Variants in RBIS observed in about 807,000 individuals in gnomAD.
RBIS encodes the protein ribosome biogenesis factor identified in screen.
In RBIS, 9 loss-of-function variants were observed where a neutral mutation model predicts 9.8. That is an observed-to-expected ratio of 0.92 (90% CI 0.56 to 1.61). The LOEUF (loss-of-function observed/expected upper bound fraction) is 1.61, where lower values mean the gene tolerates loss of function less well. Ranked by LOEUF, RBIS falls within the 40% of genes most tolerant of loss-of-function variation. The pLI, the probability that RBIS is intolerant of heterozygous loss-of-function variation, is 0.00. For missense variants in RBIS, 103 were observed against 116.0 expected (o/e 0.89, Z 0.51); for synonymous variants, 35 against 37.9 (o/e 0.92, Z 0.28).
At position 85,217,385 on chromosome 8, in the gene RBIS, C is replaced by A. The variant is rs985956958; in HGVS notation, c.114+1G>T. The A allele has an allele frequency of 1.9e-6, 3 of 1,557,232 alleles. No individual in the cohort carries two copies. In the African/African-American group the frequency reaches 4.1e-5, roughly 21 times the overall value. On this transcript the variant is annotated splice_donor_variant, in intron 2 of 3. Coordinates refer to ENST00000619594, the MANE Select transcript of RBIS (RefSeq NM_001099673.3). LOFTEE classifies it high-confidence loss of function. ...AGTCAGAGTGCTTAACTAATACTCA[C>A]CTTCTTAAGATTAGTGGTAACTGGT...
chr8:85,215,513 G>A (rs1267822263), intron 2 of RBIS: 1 of 152,206 alleles, frequency 6.6e-6, no homozygotes, highest in Non-Finnish European at 1.5e-5. Flanking sequence ...TAAAGGTTAA[G>A]CCCATCACTA....
In RBIS at chr8:85,219,916, T is replaced by C. The variant is rs528769590; in HGVS notation, c.-4+390A>G. On this transcript the variant is annotated intron_variant, in intron 1 of 3. Transcript: ENST00000619594. Reference sequence around the variant, plus strand: ...ATATACGGAACATACACAGACATGATAGGTATATTGTACATGACACTACCT... The same window carrying C: ...ATATACGGAACATACACAGACATGACAGGTATATTGTACATGACACTACCT... Among the ~76,000 whole-genome samples the C allele has an allele frequency of 1.7e-3, 265 of 152,134 alleles. 1 individual carries two copies. Among genetic ancestry groups the C allele is most frequent in the African/African-American group, 6.2e-3 (256 of 41,492 alleles).
chr8:85,216,978 G>C, intron 2 of RBIS: 1 of 257,166 alleles, frequency 3.9e-6, no homozygotes, highest in Non-Finnish European at 7.2e-6. Context: ...TTGAATTGCA[G>C]ATGTCTTCAA....
In RBIS at chr8:85,217,516, T is replaced by C; in HGVS notation, c.-3-14A>G. The C allele has an allele frequency of 1.4e-6, 2 of 1,436,136 alleles. No individual in the cohort carries two copies. The highest frequency in any genetic ancestry group is 2.0e-6 in the Non-Finnish European group (2 of 1,022,682). The allele number at this position is 1,436,136 out of a possible 1,614,324, so 89.0% of individuals were successfully genotyped here. A position where few individuals can be genotyped will look rare whatever the true frequency, so the allele number is the denominator to read the frequency against. ...CTTGGCCATTGTCTAGAAAAGAAAA[T>C]AAATTCAATTAAATTGCCCACATTT... On this transcript the variant is annotated splice_polypyrimidine_tract_variant and intron_variant, in intron 1 of 3. Transcript: ENST00000619594.
In RBIS at chr8:85,214,507, T is replaced by C; in HGVS notation, c.*53A>G. 8.3e-7 allele frequency: 1 copy of C among 1,208,928 alleles called. No homozygotes were observed. Among genetic ancestry groups the C allele is most frequent in the Non-Finnish European group, 1.2e-6 (1 of 824,490 alleles). 74.9% of individuals were successfully genotyped at this position (1,208,928 alleles called of 1,614,324 possible). A position where few individuals can be genotyped will look rare whatever the true frequency, so the allele number is the denominator to read the frequency against. On this transcript the variant is annotated 3_prime_UTR_variant, in exon 4 of 4. Coordinates refer to ENST00000619594, the MANE Select transcript of RBIS (RefSeq NM_001099673.3). Reference sequence around the variant, plus strand: ...CAAGATTTTTAAAAATAAAATTGTATAAAACATTCAATTTATTGGTCTTTG... The same window carrying C: ...CAAGATTTTTAAAAATAAAATTGTACAAAACATTCAATTTATTGGTCTTTG...
At chr8:85,217,705 C>T in intron 1 of RBIS, 1 of 567,236 alleles carries the variant, frequency 1.8e-6, no homozygotes, top group Non-Finnish European at 3.1e-6. Context: ...CTAATTCTTC[C>T]CTGTATCCCC....
In RBIS at chr8:85,214,558, T is replaced by C. The variant is rs1268805523; in HGVS notation, c.*2A>G. On this transcript the variant is annotated 3_prime_UTR_variant, in exon 4 of 4. Coordinates refer to ENST00000619594, the MANE Select transcript of RBIS (RefSeq NM_001099673.3). ...TGGAGAATTAGATGCATCACCAGTA[T>C]ATTACAACAGAGCCATTAATCTTGT... 1 of 1,533,800 alleles carries C rather than the reference T, an allele frequency of 6.5e-7. No individual in the cohort carries two copies.
In RBIS at chr8:85,214,211, T is replaced by C. The variant is rs755600082; in HGVS notation, c.*349A>G. On this transcript the variant is annotated 3_prime_UTR_variant, in exon 4 of 4. Transcript: ENST00000619594. ...CATCAAAAACAAGTTGGCCAAGGACTCATTACTTGTCTTATATTTTTACTG... is the reference window on the plus strand; with the variant it reads ...CATCAAAAACAAGTTGGCCAAGGACCCATTACTTGTCTTATATTTTTACTG... 1.9e-5 allele frequency: 10 copies of C among 538,166 alleles called. 1 individual carries two copies. The Middle Eastern group carries it at 8.6e-4, about 46-fold the overall frequency. 33.3% of individuals were successfully genotyped at this position (538,166 alleles called of 1,614,324 possible). A position where few individuals can be genotyped will look rare whatever the true frequency, so the allele number is the denominator to read the frequency against.
At position 85,217,494 on chromosome 8, in the gene RBIS, G is replaced by A; in HGVS notation, c.6C>T (p.Ala2=). 1 of 1,599,358 alleles carries A rather than the reference G, an allele frequency of 6.3e-7. No individual in the cohort carries two copies. Among genetic ancestry groups the A allele is most frequent in the Non-Finnish European group, 8.6e-7 (1 of 1,168,710 alleles). The change falls in exon 2 of 4, where the codon GCC becomes GCT. Residue 2 remains alanine (A), a synonymous_variant. Transcript: ENST00000619594. M[A]KNKLRGPKSR... The stretch of plus-strand genomic sequence containing the variant: ...ACTTCGGCCCTCTTAATTTGTTCTT[G>A]GCCATTGTCTAGAAAAGAAAATAAA...
chr8:85,214,469 G>C lies in RBIS; in HGVS notation c.*91C>G. The C allele has an allele frequency of 1.1e-6, 1 of 870,598 alleles. No homozygotes were observed. The highest frequency in any genetic ancestry group is 2.5e-5 in the East Asian group (1 of 40,602). The allele number at this position is 870,598 out of a possible 1,614,324, so 53.9% of individuals were successfully genotyped here. Reference sequence around the variant, plus strand: ...TAGTTTGTTTTTAAAATGTGCCAATGCCTGTACATTAACAAGATTTTTAAA... The same window carrying C: ...TAGTTTGTTTTTAAAATGTGCCAATCCCTGTACATTAACAAGATTTTTAAA... On this transcript the variant is annotated 3_prime_UTR_variant, in exon 4 of 4. Transcript: ENST00000619594.
chr8:85,219,827 G>C (rs543202390), intron 1 of RBIS, among the ~76,000 whole-genome samples: 3 of 152,166 alleles, frequency 2.0e-5, no homozygotes, highest in Admixed American at 2.0e-4. Flanking sequence ...TATATGCCAC[G>C]TGTGGTAGAG....
At chr8:85,219,034 G>A (rs911756694) in intron 1 of RBIS, 1 of 152,140 alleles carries the variant, frequency 6.6e-6, no homozygotes, top group African/African-American at 2.4e-5. Context: ...CTATGCGATC[G>A]ACCTTCCCAA....
At chr8:85,217,639 T>C (rs1813205171) in intron 1 of RBIS, 137 bp from the exon 2 acceptor site, 1 of 622,754 alleles carries the variant, frequency 1.6e-6, no homozygotes, top group African/African-American at 1.8e-5. Context: ...GCATATATTA[T>C]TTCCAAGTCT....
At chr8:85,217,684 A>G in intron 1 of RBIS, 182 bp from the exon 2 acceptor site, 1 of 593,884 alleles carries the variant, frequency 1.7e-6, no homozygotes. Flanking sequence ...CTTTGAGTAC[A>G]GAGTATGTAT....
chr8:85,214,984 A>G lies in RBIS; in HGVS notation c.168T>C (p.Asn56=), dbSNP rs1587508291. The G allele has an allele frequency of 1.3e-6, 2 of 1,588,308 alleles. No individual in the cohort carries two copies. The highest frequency in any genetic ancestry group is 1.7e-4 in the Middle Eastern group (1 of 5,992). ...CGAAATGTGCAAGTTCCTTTTGTAC[A>G]TTTACAAAAGCTTTATTTACTCTGT... ...KVNRVNKAFV[N]VQKELAHFAK... is the part of the protein sequence containing the mutation. The change falls in exon 3 of 4, where the codon AAT becomes AAC. Residue 56 remains asparagine, a synonymous_variant. Coordinates refer to ENST00000619594, the MANE Select transcript of RBIS (RefSeq NM_001099673.3).
intron 2 of RBIS, chr8:85,215,857 G>C (rs1029323086): frequency 2.0e-5 from 3 of 152,272 alleles, no homozygotes; most frequent in Non-Finnish European, 4.4e-5. Context: ...GAGAAGCACA[G>C]GTAAAACATC....
Position 85,220,347 on chromosome 8 carries a change from A to C in RBIS, c.-45T>G, listed in dbSNP as rs1208566802. The C allele has an allele frequency of 6.6e-6, 1 of 152,244 alleles. No individual in the cohort carries two copies. The highest frequency in any genetic ancestry group is 1.9e-4 in the East Asian group (1 of 5,204). 9.4% of individuals were successfully genotyped at this position (152,244 alleles called of 1,614,324 possible). A position where few individuals can be genotyped will look rare whatever the true frequency, so the allele number is the denominator to read the frequency against. On this transcript the variant is annotated 5_prime_UTR_variant, in exon 1 of 4. The change creates a premature stop within an existing upstream ORF in the 5' untranslated region. Coordinates refer to ENST00000619594, the MANE Select transcript of RBIS (RefSeq NM_001099673.3). ...GCGTGCAGCTTTTTAAGCTCCAGGTAACACCATCTGGCACGTACGGCGTCT... is the reference window on the plus strand; with the variant it reads ...GCGTGCAGCTTTTTAAGCTCCAGGTCACACCATCTGGCACGTACGGCGTCT...
At chr8:85,215,203 G>GT (rs1813093183) in intron 2 of RBIS, 166 bp from the exon 3 acceptor site, 1 of 396,984 alleles carries the variant, frequency 2.5e-6, no homozygotes, top group African/African-American at 2.1e-5. Context: ...CAGACAAAAA[G>GT]TTTTGGTTTT....
At position 85,217,483 on chromosome 8, in the gene RBIS, A is replaced by T; in HGVS notation, c.17T>A (p.Leu6Ter). MAKNK[L>*]RGPKSRNVFH... ...TACATTCCTGGACTTCGGCCCTCTT[A>T]ATTTGTTCTTGGCCATTGTCTAGAA... The change falls in exon 2 of 4, where the codon TTA becomes TAA. Residue 6 changes from leucine (L) to a stop codon, truncating the protein, a stop_gained. Transcript: ENST00000619594. LOFTEE classifies it high-confidence loss of function. 6.2e-7 allele frequency: 1 copy of T among 1,610,424 alleles called. No homozygotes were observed. Among genetic ancestry groups the T allele is most frequent in the Non-Finnish European group, 8.5e-7 (1 of 1,178,214 alleles).
Sources: gnomAD v4.1 joint callset for allele counts (sites outside exome capture counted in the v4.1 genomes callset) on GRCh38, gnomAD v4.1.1 for gene constraint, MANE v1.5 for transcripts, NCBI Gene and HGNC (gene_info 2026-07-23, HGNC 2026-07-21) for gene names.